The following SGCZ variants were observed in gnomAD, a reference collection of about 807,000 sequenced individuals.
The protein encoded by SGCZ is sarcoglycan zeta.
In SGCZ, 40 loss-of-function variants were observed where a neutral mutation model predicts 41.3. The observed-to-expected ratio is 0.97, with a 90% CI of 0.75 to 1.26. The LOEUF is 1.26. Among genes scored for constraint, SGCZ ranks in the 50% most tolerant of loss-of-function variants. The pLI, the probability that SGCZ is intolerant of heterozygous loss-of-function variation, is 0.00. For synonymous variants in SGCZ, 206 were observed against 137.5 expected, an observed-to-expected ratio of 1.50 and a Z score of -3.49; for missense variants, 552 against 369.8, an observed-to-expected ratio of 1.49 and a Z score of -4.04.
At chr8:14,119,012 T>C (rs1371179609) in intron 5 of SGCZ, among the ~76,000 whole-genome samples, 2 of 152,206 alleles carry the variant, frequency 1.3e-5, no homozygotes, top group African/African-American at 2.4e-5. Flanking sequence ...TCCAGCTTTG[T>C]TCTTTTTACT....
chr8:15,081,021 C>T (rs557690015), intron 1 of SGCZ, among the ~76,000 whole-genome samples: 1 of 152,214 alleles, frequency 6.6e-6, no homozygotes, highest in South Asian at 2.1e-4. Flanking sequence ...GCAGAAGCAA[C>T]GCTGCCAACA....
intron 2 of SGCZ, among the ~76,000 whole-genome samples, chr8:14,458,745 C>A (rs1376504876): frequency 6.6e-6 from 1 of 152,088 alleles, no homozygotes; most frequent in Non-Finnish European, 1.5e-5. Context: ...TTTCCCAGCT[C>A]TGTCTGCTAA....
At chr8:14,738,126 G>C (rs1045467777) in intron 1 of SGCZ, among the ~76,000 whole-genome samples, 7 of 152,076 alleles carry the variant, frequency 4.6e-5, no homozygotes, top group Non-Finnish European at 8.8e-5. Context: ...TCATCTTCTA[G>C]ATGAAAGTGA....
intron 1 of SGCZ, among the ~76,000 whole-genome samples, chr8:15,013,888 G>T (rs975506430): frequency 6.6e-6 from 1 of 152,052 alleles, no homozygotes; most frequent in Non-Finnish European, 1.5e-5. Flanking sequence ...GTTTCTACTG[G>T]GCTCGGGCAG....
At chr8:14,552,812 A>C (rs1416882879) in intron 2 of SGCZ, among the ~76,000 whole-genome samples, 1 of 152,022 alleles carries the variant, frequency 6.6e-6, no homozygotes, top group African/African-American at 2.4e-5. Context: ...ATATTTTCCT[A>C]ATTAATTTAA....
At chr8:14,759,800 T>C (rs1411154542) in intron 1 of SGCZ, among the ~76,000 whole-genome samples, 1 of 152,138 alleles carries the variant, frequency 6.6e-6, no homozygotes, top group Non-Finnish European at 1.5e-5. Flanking sequence ...TATTAGTGAG[T>C]GTCTGTGATG....
At chr8:14,950,106 T>G (rs1347452636) in intron 1 of SGCZ, among the ~76,000 whole-genome samples, 1 of 152,028 alleles carries the variant, frequency 6.6e-6, no homozygotes, top group Non-Finnish European at 1.5e-5. Context: ...CCTGAAATAC[T>G]AAAACTATAC....
At chr8:14,655,577 A>G (rs563296501) in intron 1 of SGCZ, among the ~76,000 whole-genome samples, 10 of 152,070 alleles carry the variant, frequency 6.6e-5, no homozygotes, top group Non-Finnish European at 1.3e-4. Context: ...AGATAATTGG[A>G]AATTCACCAG....
chr8:14,593,117 C>G (rs1278145165), intron 1 of SGCZ, among the ~76,000 whole-genome samples: 1 of 152,088 alleles, frequency 6.6e-6, no homozygotes, highest in African/African-American at 2.4e-5. Context: ...ATTCCAATGC[C>G]TAGAACCTAT....
At chr8:14,836,920 C>T (rs1802720013) in intron 1 of SGCZ, among the ~76,000 whole-genome samples, 1 of 152,152 alleles carries the variant, frequency 6.6e-6, no homozygotes, top group Admixed American at 6.5e-5. Context: ...CTTGTATTAA[C>T]CCACTTGTCC....
At chr8:14,545,265 G>C (rs989298018) in intron 2 of SGCZ, among the ~76,000 whole-genome samples, 26 of 151,762 alleles carry the variant, frequency 1.7e-4, no homozygotes, top group African/African-American at 6.1e-4. Flanking sequence ...ACTGGCAATA[G>C]AAAGGACAGT....
At chr8:14,865,631 TGC>T (rs1224669733) in intron 1 of SGCZ, among the ~76,000 whole-genome samples, 1 of 152,158 alleles carries the variant, frequency 6.6e-6, no homozygotes, top group African/African-American at 2.4e-5. Flanking sequence ...TCATGGGATG[TGC>T]GCTCACTTCA....
intron 1 of SGCZ, among the ~76,000 whole-genome samples, chr8:14,857,211 G>A (rs531651275): frequency 4.6e-4 from 70 of 152,242 alleles, no homozygotes; most frequent in African/African-American, 1.5e-3. Flanking sequence ...AGTTTCCTGA[G>A]GCCTGCTCAG....
chr8:14,546,949 G>C (rs1803648245), intron 2 of SGCZ, among the ~76,000 whole-genome samples: 2 of 152,008 alleles, frequency 1.3e-5, no homozygotes, highest in South Asian at 4.2e-4. Flanking sequence ...ATCTGCCAGA[G>C]GGGATACAAT....
chr8:14,833,885 A>C (rs1433138787), intron 1 of SGCZ, among the ~76,000 whole-genome samples: 3 of 152,206 alleles, frequency 2.0e-5, no homozygotes, highest in Non-Finnish European at 4.4e-5. Flanking sequence ...AAGAATATTT[A>C]TGAAAAATTA....
At chr8:14,381,056 C>T (rs1385988558) in intron 2 of SGCZ, among the ~76,000 whole-genome samples, 2 of 152,042 alleles carry the variant, frequency 1.3e-5, no homozygotes, top group African/African-American at 4.8e-5. Flanking sequence ...CTCACATTAT[C>T]TTTTCATCTG....
intron 1 of SGCZ, among the ~76,000 whole-genome samples, chr8:14,652,916 GA>G (rs1472697945): frequency 2.0e-5 from 3 of 151,958 alleles, no homozygotes; most frequent in Non-Finnish European, 4.4e-5. Flanking sequence ...TTGTAAATTG[GA>G]AAATATCTTA....
At chr8:15,034,079 A>C (rs984452896) in intron 1 of SGCZ, among the ~76,000 whole-genome samples, 5 of 148,392 alleles carry the variant, frequency 3.4e-5, no homozygotes, top group African/African-American at 1.0e-4. Flanking sequence ...CAATAGCACA[A>C]AAGAAAACCC....
At chr8:14,103,736 G>T (rs1475748457) in intron 6 of SGCZ, among the ~76,000 whole-genome samples, 1 of 151,782 alleles carries the variant, frequency 6.6e-6, no homozygotes, top group Non-Finnish European at 1.5e-5. Context: ...TCCCTGGAGG[G>T]GTGAGGTTTT....
Sources: gnomAD v4.1 joint callset for allele counts (sites outside exome capture counted in the v4.1 genomes callset) on GRCh38, gnomAD v4.1.1 for gene constraint, MANE v1.5 for transcripts, NCBI Gene and HGNC (gene_info 2026-07-23, HGNC 2026-07-21) for gene names.